Variants in FLI1 observed in about 807,000 individuals in gnomAD.
The protein encoded by FLI1 is Friend leukemia integration 1 transcription factor.
A neutral mutation model predicts 53.1 loss-of-function variants in FLI1; 13 were observed. The ratio of observed to expected loss-of-function variants is 0.24; its 90% CI spans 0.16 to 0.39. The LOEUF (loss-of-function observed/expected upper bound fraction) is 0.39. Ranked by LOEUF, FLI1 falls within the 10% of genes least tolerant of loss-of-function variation. FLI1 has a pLI of 1.00. For missense variants in FLI1, 424 were observed against 600.5 expected (o/e 0.71, Z 3.07); for synonymous variants, 244 against 236.7 (o/e 1.03, Z -0.28).
chr11:128,728,078 T>C (rs779681054), intron 1 of FLI1, among the ~76,000 whole-genome samples: 4 of 152,254 alleles, frequency 2.6e-5, no homozygotes, highest in Admixed American at 6.5e-5. Flanking sequence ...GCCCTCTCCC[T>C]TGGGCCTTCA....
In FLI1 at chr11:128,726,359, G is replaced by A. The variant is rs1002231193; in HGVS notation, c.19-31756G>A. ...CTACAACTCAATCCAGGGGTGCAGG[G>A]GGCTGGGGGTGCAACCGGGAAGCCC... On this transcript the variant is annotated intron_variant, in intron 1 of 8. Transcript: ENST00000527786. Among the ~76,000 whole-genome samples, 4 of 152,160 alleles carry A rather than the reference G, an allele frequency of 2.6e-5. No individual in the cohort carries two copies. In the East Asian group the frequency reaches 7.7e-4, roughly 29 times the overall value.
chr11:128,747,146 G>A (rs149514966), intron 1 of FLI1, among the ~76,000 whole-genome samples: 127 of 152,342 alleles, frequency 8.3e-4, no homozygotes, highest in African/African-American at 3.0e-3. Context: ...TAAGGCGCGG[G>A]CTGCAAGACA....
At chr11:128,774,139 C>T (rs1305540357) in intron 4 of FLI1, among the ~76,000 whole-genome samples, 1 of 152,136 alleles carries the variant, frequency 6.6e-6, no homozygotes, top group Non-Finnish European at 1.5e-5. Flanking sequence ...TCCACTGTCC[C>T]TTCAGCGACA....
intron 1 of FLI1, among the ~76,000 whole-genome samples, chr11:128,749,084 C>A (rs777921921): frequency 6.6e-6 from 1 of 152,150 alleles, no homozygotes; most frequent in Non-Finnish European, 1.5e-5. Flanking sequence ...ATCGATTCCC[C>A]CCTCACTGTG....
At chr11:128,768,525 A>T (rs985176575) in intron 3 of FLI1, 1 of 445,318 alleles carries the variant, frequency 2.2e-6, no homozygotes, top group African/African-American at 2.0e-5. Flanking sequence ...CTAAAAAAAA[A>T]AAAAAATACA....
intron 2 of FLI1, among the ~76,000 whole-genome samples, chr11:128,760,502 T>A (rs1007367909): frequency 2.7e-5 from 4 of 147,332 alleles, no homozygotes; most frequent in East Asian, 2.0e-4. Flanking sequence ...AAGATCCAGA[T>A]CCCACTGGTG....
intron 1 of FLI1, among the ~76,000 whole-genome samples, chr11:128,746,379 C>T (rs1371313699): frequency 6.6e-6 from 1 of 152,212 alleles, no homozygotes; most frequent in Non-Finnish European, 1.5e-5. Context: ...CACACTCTTT[C>T]CTCTCCTCAA....
At chr11:128,761,484 G>C (rs758147823) in intron 2 of FLI1, among the ~76,000 whole-genome samples, 4 of 152,224 alleles carry the variant, frequency 2.6e-5, no homozygotes, top group Non-Finnish European at 5.9e-5. Flanking sequence ...AGACTCAAAA[G>C]AGAAGGTGCT....
chr11:128,739,260 A>G (rs1023119433), intron 1 of FLI1, among the ~76,000 whole-genome samples: 1 of 152,268 alleles, frequency 6.6e-6, no homozygotes, highest in Non-Finnish European at 1.5e-5. Context: ...CCCCATGCAA[A>G]AAAAGGAAGC....
intron 5 of FLI1, among the ~76,000 whole-genome samples, chr11:128,790,776 T>G (rs536448219): frequency 8.5e-5 from 13 of 152,334 alleles, no homozygotes; most frequent in African/African-American, 3.1e-4. Flanking sequence ...TTTTACTTCT[T>G]TGAGGATTCT....
At chr11:128,729,194 T>C (rs774728870) in intron 1 of FLI1, among the ~76,000 whole-genome samples, 27 of 152,158 alleles carry the variant, frequency 1.8e-4, no homozygotes, top group Non-Finnish European at 1.3e-4. Context: ...TTGTGCTCCA[T>C]GGTTCAAAGA....
In FLI1 at chr11:128,809,201, C is replaced by A. The variant is rs1942869169; in HGVS notation, c.826C>A (p.Pro276Thr). 1 of 1,613,662 alleles carries A rather than the reference C, an allele frequency of 6.2e-7. No individual in the cohort carries two copies. Among genetic ancestry groups the A allele is most frequent in the East Asian group, 2.2e-5 (1 of 44,904 alleles). ...LGPTSSRLAN[P>T]GSGQIQLWQF... is the part of the protein sequence containing the mutation. ...CCCGACCAGCAGTCGCCTAGCCAAC[C>A]CTGGTGAGTTTACCTTGGCCTGCAA... The change falls in exon 8 of 9, where the codon CCT becomes ACT. Residue 276 changes from proline (P) to threonine (T), a missense_variant. Physicochemically the swap from Pro to Thr is conservative, Grantham distance 38 (BLOSUM62 -1). Coordinates refer to ENST00000527786, the MANE Select transcript of FLI1 (RefSeq NM_002017.5).
intron 1 of FLI1, among the ~76,000 whole-genome samples, chr11:128,701,829 C>T (rs1938345471): frequency 6.6e-6 from 1 of 152,182 alleles, no homozygotes; most frequent in Non-Finnish European, 1.5e-5. Flanking sequence ...ATTACAGGTG[C>T]CATGGGAGCT....
At chr11:128,797,907 C>T (rs648193) in intron 5 of FLI1, among the ~76,000 whole-genome samples, 35,889 of 151,976 alleles carry the variant, frequency 0.24, 5,010 homozygotes, top group Non-Finnish European at 0.32. Context: ...CACAAGACAA[C>T]TCACCAGTGA....
At chr11:128,763,823 T>C (rs1479188223) in intron 2 of FLI1, among the ~76,000 whole-genome samples, 1 of 152,230 alleles carries the variant, frequency 6.6e-6, no homozygotes, top group African/African-American at 2.4e-5. Context: ...AGCTAGTGGA[T>C]TAGGGCGGTG....
At chr11:128,799,813 G>C (rs1243476171) in intron 5 of FLI1, among the ~76,000 whole-genome samples, 1 of 152,196 alleles carries the variant, frequency 6.6e-6, no homozygotes, top group African/African-American at 2.4e-5. Flanking sequence ...ATGAAGGAAC[G>C]CTTAGAGGAG....
In FLI1 at chr11:128,768,167, G is replaced by A. The variant is rs749474182; in HGVS notation, c.280G>A (p.Gly94Arg). ...TAGCAAATGCAGCAAGCTGGTGGGC[G>A]GAGGCGAGTCCAACCCCATGAACTA... ...SVSKCSKLVG[G>R]GESNPMNYNS... is the part of the protein sequence containing the mutation. The change falls in exon 3 of 9, where the codon GGA becomes AGA. Residue 94 changes from glycine to arginine, a missense_variant. Physicochemically the swap from Gly to Arg is moderately radical, Grantham distance 125 (BLOSUM62 -2). This residue lies in a region of FLI1 where 137 missense variants were observed against 169.1 expected (regional missense o/e 0.81). Transcript: ENST00000527786. 2.2e-5 allele frequency: 36 copies of A among 1,613,692 alleles called. No homozygotes were observed. Among genetic ancestry groups the A allele is most frequent in the Middle Eastern group, 1.6e-4 (1 of 6,084 alleles).
intron 1 of FLI1, among the ~76,000 whole-genome samples, chr11:128,732,228 C>A (rs1313393239): frequency 6.6e-6 from 1 of 152,168 alleles, no homozygotes; most frequent in African/African-American, 2.4e-5. Flanking sequence ...CCAATCAGTA[C>A]CAGATTATTC....
intron 1 of FLI1, among the ~76,000 whole-genome samples, chr11:128,730,009 A>G (rs1451911382): frequency 1.3e-5 from 2 of 152,202 alleles, no homozygotes; most frequent in Non-Finnish European, 2.9e-5. Flanking sequence ...AAACATTTCT[A>G]ATATCAGAAC....
Sources: allele counts gnomAD v4.1 joint callset (sites outside exome capture counted in the v4.1 genomes callset), GRCh38; gene constraint gnomAD v4.1.1; regional missense constraint gnomAD v4.1.1; transcripts MANE v1.5; gene names NCBI Gene and HGNC (gene_info 2026-07-23, HGNC 2026-07-21).